The following REXO1 variants were observed in gnomAD, a reference collection of about 807,000 sequenced individuals.
REXO1 encodes REX1, RNA exonuclease 1 homolog.
In REXO1, 42 loss-of-function variants were observed where a neutral mutation model predicts 102.6. The observed-to-expected ratio is 0.41, with a 90% confidence interval of 0.32 to 0.53. REXO1 has a LOEUF of 0.53. Among genes scored for constraint, REXO1 ranks in the 20% least tolerant of loss-of-function variants. The pLI is 0.27. For missense variants in REXO1, 1,819 were observed against 1,732.5 expected (o/e 1.05, Z -0.89); for synonymous variants, 908 against 779.1 (o/e 1.17, Z -2.76).
intron 1 of REXO1, chr19:1,830,733 C>T (rs781729142): frequency 9.5e-5 from 22 of 230,562 alleles, no homozygotes; most frequent in South Asian, 7.3e-4. Context: ...ATGGACAGGC[C>T]GAGATCTTGC....
At chr19:1,821,832 A>T (rs550808294) in intron 4 of REXO1, 150 bp from the exon 5 acceptor site, 1 of 687,184 alleles carries the variant, frequency 1.5e-6, no homozygotes, top group East Asian at 2.8e-5. Flanking sequence ...GGGGCTGCGC[A>T]ATGGCATCAG....
rs1431671331 is a variant in REXO1, at chr19:1,817,228, G to A, written c.3192C>T (p.Asp1064=). The change falls in exon 12 of 16, where the codon GAC becomes GAT. Residue 1064 remains aspartate (D), a synonymous_variant. Coordinates refer to ENST00000170168, the MANE Select transcript of REXO1 (RefSeq NM_020695.4). ...CAGAGAACAGCCTCACCATCTCGCA[G>A]TCCAGGGCGTAGATCCCCGGGTGGG... ...GDTHPGIYAL[D]CEMSYTTYGL... 1 of 1,612,638 alleles carries A rather than the reference G, an allele frequency of 6.2e-7. No individual in the cohort carries two copies. Among genetic ancestry groups the A allele is most frequent in the Non-Finnish European group, 8.5e-7 (1 of 1,180,000 alleles).
At chr19:1,820,541 A>T in intron 5 of REXO1, 146 bp from the exon 6 acceptor site, 1 of 889,372 alleles carries the variant, frequency 1.1e-6, no homozygotes, top group Non-Finnish European at 1.7e-6. Flanking sequence ...AGGGACAGAC[A>T]CGCCAAGGCA....
At chr19:1,817,494 G>A (rs1482669378) in intron 11 of REXO1, 165 bp from the exon 12 acceptor site, 1 of 1,469,164 alleles carries the variant, frequency 6.8e-7, no homozygotes, top group Non-Finnish European at 9.0e-7. Flanking sequence ...TTGCCAAGAA[G>A]ACACAGGGAG....
intron 10 of REXO1, among the ~76,000 whole-genome samples, chr19:1,818,248 G>A (rs1160492139): frequency 6.6e-6 from 1 of 152,244 alleles, no homozygotes; most frequent in African/African-American, 2.4e-5. Flanking sequence ...TTCAGGTGGT[G>A]GCATTTGAAC....
intron 7 of REXO1, among the ~76,000 whole-genome samples, chr19:1,819,541 G>A (rs1052808802): frequency 4.6e-5 from 7 of 152,236 alleles, no homozygotes; most frequent in Admixed American, 4.6e-4. Flanking sequence ...GGCAGGGGCC[G>A]GTGATAGCTT....
Position 1,828,062 on chromosome 19 carries a change from G to C in REXO1, c.727C>G (p.Arg243Gly), listed in dbSNP as rs767011206. ...CGGGAGCTGGCCCTGCTGAGGTGCCGGGCCGAGTAGTTGGAGAGAGGGTCA... is the reference window on the plus strand; with the variant it reads ...CGGGAGCTGGCCCTGCTGAGGTGCCCGGCCGAGTAGTTGGAGAGAGGGTCA... ...EYDPLSNYSA[R>G]HLSRASSRDE... is the part of the protein sequence containing the mutation. Residue 243 changes from arginine to glycine, a missense_variant, in exon 2 of 16, where the codon CGG (arginine) becomes GGG (glycine). Arg to Gly is a moderately radical substitution (Grantham distance 125, BLOSUM62 -2). Coordinates refer to ENST00000170168, the MANE Select transcript of REXO1 (RefSeq NM_020695.4). 1.2e-6 allele frequency: 2 copies of C among 1,613,036 alleles called. No individual in the cohort carries two copies. The highest frequency in any genetic ancestry group is 2.7e-5 in the African/African-American group (2 of 74,924).
At position 1,827,217 on chromosome 19, in the gene REXO1, G is replaced by T. The variant is rs940066535; in HGVS notation, c.1572C>A (p.Asp524Glu). The T allele has an allele frequency of 6.5e-7, 1 of 1,542,610 alleles. No individual in the cohort carries two copies. The highest frequency in any genetic ancestry group is 1.2e-5 in the South Asian group (1 of 84,456). ...RALSHADLFG[D>E]ESEDEAAGPG... ...GCCCTGCGGCCTCGTCCTCACTCTCGTCCCCAAAGAGGTCGGCGTGGCTCA... is the reference window on the plus strand; with the variant it reads ...GCCCTGCGGCCTCGTCCTCACTCTCTTCCCCAAAGAGGTCGGCGTGGCTCA... Residue 524 changes from aspartate (D) to glutamate (E), a missense_variant, in exon 2 of 16, where the codon GAC (aspartate) becomes GAA (glutamate). By Grantham distance (45) the Asp-to-Glu change is conservative. Coordinates refer to ENST00000170168, the MANE Select transcript of REXO1 (RefSeq NM_020695.4).
At chr19:1,831,263 G>A (rs1188821655) in intron 1 of REXO1, among the ~76,000 whole-genome samples, 2 of 152,208 alleles carry the variant, frequency 1.3e-5, no homozygotes, top group East Asian at 1.9e-4. Context: ...GCACCAAGAC[G>A]CCACTTGGCT....
intron 4 of REXO1, chr19:1,823,195 C>G: frequency 4.2e-6 from 1 of 236,274 alleles, no homozygotes; most frequent in Non-Finnish European, 8.1e-6. Flanking sequence ...AGAGGCCACG[C>G]CCCCCACTCA....
At chr19:1,844,715 C>A (rs1354375626) in intron 1 of REXO1, among the ~76,000 whole-genome samples, 1 of 152,216 alleles carries the variant, frequency 6.6e-6, no homozygotes, top group African/African-American at 2.4e-5. Flanking sequence ...AACCCGACTG[C>A]GGGATCCCCG....
Position 1,827,832 on chromosome 19 carries a change from C to A in REXO1, c.957G>T (p.Gly319=). Residue 319 remains glycine, a synonymous_variant, in exon 2 of 16, where the codon GGG becomes GGT. Transcript: ENST00000170168. ...ARADPEIKAT[G]QPPSKEGLEA... ...CCAGGCCCTCTTTGGAGGGTGGCTG[C>A]CCGGTGGCCTTGATCTCAGGGTCGG... is the stretch of plus-strand genomic sequence containing the variant. The A allele has an allele frequency of 6.2e-7, 1 of 1,611,196 alleles. No homozygotes were observed. The highest frequency in any genetic ancestry group is 1.7e-4 in the Middle Eastern group (1 of 6,054).
Position 1,827,168 on chromosome 19 carries a change from A to C in REXO1, c.1621T>G (p.Ser541Ala). 1.3e-6 allele frequency: 2 copies of C among 1,541,398 alleles called. No homozygotes were observed. The highest frequency in any genetic ancestry group is 1.7e-6 in the Non-Finnish European group (2 of 1,146,514). The change falls in exon 2 of 16, where the codon TCT (serine) becomes GCT (alanine). Residue 541 changes from serine (S) to alanine (A), a missense_variant. Physicochemically the swap from Ser to Ala is moderately conservative, Grantham distance 99. Transcript: ENST00000170168. ...TCCGAGCTGAGGCTGGGGAGGGCAG[A>C]GGGCCACACGCTCGGCACCCCTGGC... ...AGPGVPSVWP[S>A]ALPSLSSDSD... is the part of the protein sequence containing the mutation.
chr19:1,819,282 G>A (rs2069463972), intron 7 of REXO1, 151 bp from the exon 8 acceptor site: 1 of 624,776 alleles, frequency 1.6e-6, no homozygotes, highest in African/African-American at 1.9e-5. Flanking sequence ...GTTCCAGCCT[G>A]ACCCGAACAG....
At position 1,823,572 on chromosome 19, in the gene REXO1, C is replaced by G. The variant is rs897709680; in HGVS notation, c.2230G>C (p.Ala744Pro). ...ACAGGCCCCCTGGGCCAGGACTCACCTGCAGCCAGGCGGGGGTTGGGGATG... is the reference window on the plus strand; with the variant it reads ...ACAGGCCCCCTGGGCCAGGACTCACGTGCAGCCAGGCGGGGGTTGGGGATG... ...AHIPNPRLAAAPTGAKRTLAA... is the reference protein window; with the variant it reads ...AHIPNPRLAAPPTGAKRTLAA... The change falls in exon 4 of 16, where the codon GCC (alanine) becomes CCC (proline). Residue 744 changes from alanine to proline, a missense_variant and splice_region_variant. Ala to Pro is a conservative substitution (Grantham distance 27). Transcript: ENST00000170168. 18 of 1,307,674 alleles carry G rather than the reference C, an allele frequency of 1.4e-5. No individual in the cohort carries two copies. Among genetic ancestry groups the G allele is most frequent in the Non-Finnish European group, 1.4e-5 (14 of 1,020,924 alleles). The allele number at this position is 1,307,674 out of a possible 1,614,324, so 81.0% of individuals were successfully genotyped here.
In REXO1 at chr19:1,823,740, G is replaced by C; in HGVS notation, c.2062C>G (p.Pro688Ala). Residue 688 changes from proline to alanine, a missense_variant, in exon 4 of 16, where the codon CCG becomes GCG. Coordinates refer to ENST00000170168, the MANE Select transcript of REXO1 (RefSeq NM_020695.4). ...RGPAVPPARP[P>A]TAQEVCYLRA... ...AGGTAGCACACCTCCTGCGCCGTCGGGGGCCGGGCCGGGGGCACCGCGGGA... is the reference window on the plus strand; with the variant it reads ...AGGTAGCACACCTCCTGCGCCGTCGCGGGCCGGGCCGGGGGCACCGCGGGA... 2 of 1,264,026 alleles carry C rather than the reference G, an allele frequency of 1.6e-6. No homozygotes were observed. Among genetic ancestry groups the C allele is most frequent in the Admixed American group, 3.8e-5 (1 of 26,078 alleles). The allele number at this position is 1,264,026 out of a possible 1,614,324, so 78.3% of individuals were successfully genotyped here.
Position 1,816,043 on chromosome 19 carries a change from G to T in REXO1, c.*23C>A. ...TAAGGACCAGCGGGACGGCAGGAGA[G>T]GCGGGTGGGAGGCGGGCAGGCGTCA... On this transcript the variant is annotated 3_prime_UTR_variant, in exon 16 of 16. Transcript: ENST00000170168. 1.3e-6 allele frequency: 2 copies of T among 1,540,294 alleles called. No homozygotes were observed. The highest frequency in any genetic ancestry group is 8.7e-7 in the Non-Finnish European group (1 of 1,147,040).
chr19:1,820,531 A>T, intron 5 of REXO1, 136 bp from the exon 6 acceptor site: 1 of 988,268 alleles, frequency 1.0e-6, no homozygotes, highest in Non-Finnish European at 1.5e-6. Context: ...TGGCTGCAGT[A>T]GGGACAGACA....
chr19:1,817,728 A>T lies in REXO1; in HGVS notation c.3069T>A (p.Ser1023=). ...TCACCTTTGCGACTTGGCAGCCGAC[A>T]GAGCCGGCGGCAGCCGAGCAGCACA... is the stretch of plus-strand genomic sequence containing the variant. The part of the protein sequence containing the change: ...QYMCCSAAAG[S]VGCQVAKQHV... The change falls in exon 11 of 16, where the codon TCT becomes TCA. Residue 1023 remains serine (S), a synonymous_variant. Coordinates refer to ENST00000170168, the MANE Select transcript of REXO1 (RefSeq NM_020695.4). 1.2e-6 allele frequency: 2 copies of T among 1,612,464 alleles called. No homozygotes were observed. Among genetic ancestry groups the T allele is most frequent in the South Asian group, 2.2e-5 (2 of 90,986 alleles).
Sources: gnomAD v4.1 joint callset for allele counts (sites outside exome capture counted in the v4.1 genomes callset) on GRCh38, gnomAD v4.1.1 for gene constraint, MANE v1.5 for transcripts, NCBI Gene and HGNC (gene_info 2026-07-23, HGNC 2026-07-21) for gene names.